Variants in VPS13D observed in about 807,000 individuals in gnomAD.
VPS13D encodes the protein vacuolar protein sorting 13 homolog D.
A neutral mutation model predicts 461.9 loss-of-function variants in VPS13D; 187 were observed. That is an observed-to-expected ratio of 0.40 (90% CI 0.36 to 0.46). VPS13D has a LOEUF of 0.46. Ranked by LOEUF, VPS13D falls within the 20% of genes least tolerant of loss-of-function variation. The probability of loss-of-function intolerance (pLI) is 0.60; values close to 1 mark genes in which losing one functional copy is unlikely to be tolerated. For synonymous variants in VPS13D, 1,951 were observed against 1,986.3 expected, an observed-to-expected ratio of 0.98 and a Z score of 0.47; for missense variants, 4,711 against 5,364.9, an observed-to-expected ratio of 0.88 and a Z score of 3.81.
chr1:12,331,276 T>A (rs1336800192), intron 37 of VPS13D, among the ~76,000 whole-genome samples: 2 of 152,234 alleles, frequency 1.3e-5, no homozygotes, highest in Non-Finnish European at 2.9e-5. Context: ...TCCGACGGCC[T>A]GCTCCCTTTA....
At chr1:12,357,493 T>C (rs1049345247) in intron 49 of VPS13D, among the ~76,000 whole-genome samples, 1 of 152,234 alleles carries the variant, frequency 6.6e-6, no homozygotes, top group African/African-American at 2.4e-5. Flanking sequence ...CCCAAAGCAT[T>C]TCACATAGAC....
At chr1:12,458,195 C>A (rs1458178416) in intron 66 of VPS13D, among the ~76,000 whole-genome samples, 1 of 152,188 alleles carries the variant, frequency 6.6e-6, no homozygotes, top group Non-Finnish European at 1.5e-5. Context: ...TATACGAAGG[C>A]AGTATCCTAG....
At chr1:12,340,794 G>C (rs935986066) in intron 40 of VPS13D, among the ~76,000 whole-genome samples, 1 of 152,194 alleles carries the variant, frequency 6.6e-6, no homozygotes, top group African/African-American at 2.4e-5. Flanking sequence ...GGTTGTGTAC[G>C]TGTGTTGTGA....
intron 37 of VPS13D, 93 bp from the exon 38 acceptor site, chr1:12,333,133 C>T (rs568278971): frequency 6.9e-6 from 10 of 1,451,330 alleles, no homozygotes; most frequent in South Asian, 2.7e-5. Flanking sequence ...CTATTAAGCT[C>T]GAGTTTGTCC....
chr1:12,491,211 C>A (rs1316873641), intron 67 of VPS13D, among the ~76,000 whole-genome samples: 1 of 152,196 alleles, frequency 6.6e-6, no homozygotes, highest in Non-Finnish European at 1.5e-5. Context: ...CATCACACAA[C>A]CCTTAAGGAA....
intron 13 of VPS13D, among the ~76,000 whole-genome samples, chr1:12,266,284 T>C (rs945701240): frequency 6.6e-6 from 1 of 152,252 alleles, no homozygotes; most frequent in African/African-American, 2.4e-5. Flanking sequence ...AATTCTACTG[T>C]GGTTAAATAC....
At position 12,276,204 on chromosome 1, in the gene VPS13D, A is replaced by G. The variant is rs768533188; in HGVS notation, c.2616A>G (p.Gly872=). 1 of 1,614,094 alleles carries G rather than the reference A, an allele frequency of 6.2e-7. No individual in the cohort carries two copies. The highest frequency in any genetic ancestry group is 1.7e-5 in the Admixed American group (1 of 60,008). ...LIYTSDPKYP[G]AVLSGNLPDL... is the part of the protein sequence containing the mutation. ...ATACTTCAGATCCCAAATATCCAGGAGCCGTGCTCTCAGGCAACTTACCAG... is the reference window on the plus strand; with the variant it reads ...ATACTTCAGATCCCAAATATCCAGGGGCCGTGCTCTCAGGCAACTTACCAG... Residue 872 remains glycine, a synonymous_variant, in exon 19 of 70, where the codon GGA becomes GGG. Coordinates refer to ENST00000620676, the MANE Select transcript of VPS13D (RefSeq NM_015378.4). This position sits in a 1 kb window ranked among gnomAD's most constrained non-coding sequence, Gnocchi z 4.5.
At chr1:12,396,008 T>TAG (rs1487683025) in intron 60 of VPS13D, among the ~76,000 whole-genome samples, 1 of 132,146 alleles carries the variant, frequency 7.6e-6, no homozygotes, top group Admixed American at 7.6e-5. Flanking sequence ...TATATATATA[T>TAG]ATATATATAT....
At chr1:12,442,580 C>T in intron 65 of VPS13D, among the ~76,000 whole-genome samples, 1 of 150,690 alleles carries the variant, frequency 6.6e-6, no homozygotes, top group East Asian at 1.9e-4. Context: ...CCAAGATTTC[C>T]CTTACTTTTT....
At chr1:12,262,570 A>G (rs1027694942) in intron 13 of VPS13D, among the ~76,000 whole-genome samples, 1 of 152,200 alleles carries the variant, frequency 6.6e-6, no homozygotes, top group Non-Finnish European at 1.5e-5. Context: ...TCTACAGTGG[A>G]CTGTGTGGCC....
In VPS13D at chr1:12,283,407, G is replaced by T. The variant is rs770953065; in HGVS notation, c.5305G>T (p.Asp1769Tyr). The change falls in exon 21 of 70, where the codon GAT becomes TAT. Residue 1769 changes from aspartate to tyrosine, a missense_variant. Physicochemically the swap from Asp to Tyr is radical, Grantham distance 160. Transcript: ENST00000620676. ...PLTPPPSPTV[D>Y]EPKILVGKSK... ...GACCCCACCTCCTTCTCCAACAGTGGATGAGCCCAAGATACTTGTTGGAAA... is the reference window on the plus strand; with the variant it reads ...GACCCCACCTCCTTCTCCAACAGTGTATGAGCCCAAGATACTTGTTGGAAA... 9 of 1,614,058 alleles carry T rather than the reference G, an allele frequency of 5.6e-6. No individual in the cohort carries two copies. The highest frequency in any genetic ancestry group is 7.6e-6 in the Non-Finnish European group (9 of 1,180,044).
intron 44 of VPS13D, 123 bp from the exon 45 acceptor site, chr1:12,348,700 G>C: frequency 8.2e-7 from 1 of 1,225,164 alleles, no homozygotes; most frequent in Non-Finnish European, 1.1e-6. Context: ...TTTTATGACT[G>C]ATTTCACTGA....
chr1:12,414,133 A>G (rs996909470), intron 63 of VPS13D, among the ~76,000 whole-genome samples: 6 of 152,056 alleles, frequency 3.9e-5, no homozygotes, highest in African/African-American at 1.4e-4. Context: ...AAAATACAAA[A>G]ATTAGCTGGG....
intron 1 of VPS13D, among the ~76,000 whole-genome samples, chr1:12,233,398 G>A (rs368723026): frequency 6.6e-6 from 1 of 152,178 alleles, no homozygotes; most frequent in Non-Finnish European, 1.5e-5. Flanking sequence ...TGACATTTGG[G>A]TTGGATAATT....
At position 12,257,067 on chromosome 1, in the gene VPS13D, C is replaced by G; in HGVS notation, c.921C>G (p.Pro307=). Residue 307 remains proline, a synonymous_variant, in exon 9 of 70, where the codon CCC becomes CCG. Transcript: ENST00000620676. ...AGGTGAAGTTCCGAAGGTGGAAACCCAAGGTGGCGATATCTAAGAAGTAAG... is the reference window on the plus strand; with the variant it reads ...AGGTGAAGTTCCGAAGGTGGAAACCGAAGGTGGCGATATCTAAGAAGTAAG... ...ERQVKFRRWK[P]KVAISKNCRE... 6.2e-7 allele frequency: 1 copy of G among 1,614,072 alleles called. No homozygotes were observed. The highest frequency in any genetic ancestry group is 8.5e-7 in the Non-Finnish European group (1 of 1,179,988).
At chr1:12,270,619 C>T (rs554815692) in intron 16 of VPS13D, among the ~76,000 whole-genome samples, 75 of 151,428 alleles carry the variant, frequency 5.0e-4, no homozygotes, top group African/African-American at 1.8e-3. Flanking sequence ...CTTGCCTCCT[C>T]TCCCCCCATG....
intron 63 of VPS13D, among the ~76,000 whole-genome samples, chr1:12,405,850 TCTTA>T (rs901395251): frequency 4.6e-5 from 7 of 152,178 alleles, no homozygotes; most frequent in African/African-American, 1.4e-4. Context: ...TTTAAAATCA[TCTTA>T]CTAAGAAACA....
chr1:12,398,366 T>C (rs1644527665), intron 60 of VPS13D, among the ~76,000 whole-genome samples: 2 of 151,492 alleles, frequency 1.3e-5, no homozygotes, highest in Admixed American at 1.3e-4. Context: ...TTTTTTTCTT[T>C]TTTTTTTTTT....
intron 58 of VPS13D, among the ~76,000 whole-genome samples, chr1:12,383,951 A>G (rs1329847929): frequency 1.3e-5 from 2 of 152,224 alleles, no homozygotes; most frequent in Admixed American, 6.5e-5. Context: ...AAGGCTGGAG[A>G]TAGAAGCAGG....
Sources: allele counts gnomAD v4.1 joint callset (sites outside exome capture counted in the v4.1 genomes callset), GRCh38; gene constraint gnomAD v4.1.1; non-coding constraint Gnocchi (gnomAD v3.1); transcripts MANE v1.5; gene names NCBI Gene and HGNC (gene_info 2026-07-23, HGNC 2026-07-21).